The following SPAG16 variants were observed in gnomAD, a reference collection of about 807,000 sequenced individuals.
SPAG16 encodes sperm associated antigen 16.
In SPAG16, 86 loss-of-function variants were observed where a neutral mutation model predicts 80.4. The ratio of observed to expected loss-of-function variants is 1.07; its 90% confidence interval spans 0.90 to 1.28. The LOEUF (loss-of-function observed/expected upper bound fraction) is 1.28. Among genes scored for constraint, SPAG16 ranks in the 50% most tolerant of loss-of-function variants. SPAG16 has a pLI of 0.00. For missense variants in SPAG16, 870 were observed against 765.3 expected, an observed-to-expected ratio of 1.14 and a Z score of -1.61; for synonymous variants, 294 against 265.9, an observed-to-expected ratio of 1.11 and a Z score of -1.03.
chr2:213,823,290 AG>A (rs1559497381), intron 10 of SPAG16, among the ~76,000 whole-genome samples: 3 of 152,156 alleles, frequency 2.0e-5, no homozygotes, highest in Non-Finnish European at 4.4e-5. Flanking sequence ...ATGGTATCTC[AG>A]GGTGGTTTTG....
Position 213,718,947 on chromosome 2 carries a change from T to C in SPAG16, c.1071-143538T>C, listed in dbSNP as rs571900229. Among the ~76,000 whole-genome samples, 3 of 152,366 alleles carry C rather than the reference T, an allele frequency of 2.0e-5. No homozygotes were observed. In the East Asian group the frequency reaches 5.8e-4, roughly 29 times the overall value. The stretch of plus-strand genomic sequence containing the variant: ...GCGGGATCCACTAGGTGAAGCCAGC[T>C]GGGCTCCTGAGTCTGGTGGGGACGT... On this transcript the variant is annotated intron_variant, in intron 10 of 15. Coordinates refer to ENST00000331683, the MANE Select transcript of SPAG16 (RefSeq NM_024532.5).
At chr2:213,873,297 T>A (rs1343215008) in intron 11 of SPAG16, among the ~76,000 whole-genome samples, 1 of 152,032 alleles carries the variant, frequency 6.6e-6, no homozygotes, top group African/African-American at 2.4e-5. Flanking sequence ...TTTGTTGCCA[T>A]GTTGTTAACA....
At chr2:213,463,069 A>C (rs1460309065) in intron 9 of SPAG16, among the ~76,000 whole-genome samples, 2 of 152,208 alleles carry the variant, frequency 1.3e-5, no homozygotes, top group Non-Finnish European at 2.9e-5. Context: ...GATGGAAATG[A>C]GGAACTTGTT....
At chr2:213,408,260 C>T (rs1248673755) in intron 9 of SPAG16, among the ~76,000 whole-genome samples, 1 of 152,196 alleles carries the variant, frequency 6.6e-6, no homozygotes, top group Non-Finnish European at 1.5e-5. Context: ...AAGGGCATAG[C>T]CAGAAAGCAC....
intron 10 of SPAG16, among the ~76,000 whole-genome samples, chr2:213,796,899 G>T (rs2071071593): frequency 6.8e-6 from 1 of 147,544 alleles, no homozygotes; most frequent in Non-Finnish European, 1.5e-5. Flanking sequence ...GGTTATTATG[G>T]GTGATGACAG....
At chr2:213,945,458 G>C (rs1243699077) in intron 12 of SPAG16, among the ~76,000 whole-genome samples, 1 of 151,894 alleles carries the variant, frequency 6.6e-6, no homozygotes, top group East Asian at 1.9e-4. Flanking sequence ...GAAGAACGTG[G>C]AGTCAGTTGT....
chr2:214,127,179 T>C (rs2054537296), intron 14 of SPAG16, among the ~76,000 whole-genome samples: 1 of 151,744 alleles, frequency 6.6e-6, no homozygotes, highest in Admixed American at 6.7e-5. Flanking sequence ...CTGCCTTTCA[T>C]ATCTTGGAGA....
At chr2:213,317,129 C>T (rs765118105) in intron 4 of SPAG16, 90 bp from the exon 5 acceptor site, 6 of 710,174 alleles carry the variant, frequency 8.4e-6, no homozygotes, top group Admixed American at 2.5e-5. Flanking sequence ...CTATAACACT[C>T]CCTGAGACTT....
chr2:213,384,292 A>G (rs2067316986), intron 9 of SPAG16, among the ~76,000 whole-genome samples: 1 of 152,208 alleles, frequency 6.6e-6, no homozygotes. Context: ...AGTATCATAT[A>G]TCCCACAGGT....
chr2:213,847,649 G>T (rs993611032), intron 10 of SPAG16, among the ~76,000 whole-genome samples: 1 of 152,122 alleles, frequency 6.6e-6, no homozygotes, highest in African/African-American at 2.4e-5. Context: ...CATGAGATTT[G>T]GGTGGGGACA....
At chr2:214,107,531 T>G (rs75691867) in intron 13 of SPAG16, among the ~76,000 whole-genome samples, 2 of 152,182 alleles carry the variant, frequency 1.3e-5, no homozygotes, top group African/African-American at 4.8e-5. Flanking sequence ...ATCCCTATTA[T>G]AATGTGTTAT....
intron 10 of SPAG16, among the ~76,000 whole-genome samples, chr2:213,761,181 G>A (rs1476040613): frequency 1.3e-5 from 2 of 152,074 alleles, no homozygotes; most frequent in Non-Finnish European, 2.9e-5. Context: ...AACAATGAAC[G>A]TTATCAAAGA....
At chr2:213,714,687 C>T (rs1191803538) in intron 10 of SPAG16, among the ~76,000 whole-genome samples, 1 of 152,120 alleles carries the variant, frequency 6.6e-6, no homozygotes, top group Non-Finnish European at 1.5e-5. Context: ...TCCTAATCCT[C>T]ATAATAATGC....
intron 15 of SPAG16, among the ~76,000 whole-genome samples, chr2:214,390,313 G>C (rs560419014): frequency 5.0e-5 from 7 of 138,942 alleles, no homozygotes. Flanking sequence ...GTGAATTGAT[G>C]CTAAATGAAT....
At chr2:213,920,456 CAT>C (rs1211781336) in intron 11 of SPAG16, among the ~76,000 whole-genome samples, 5 of 152,210 alleles carry the variant, frequency 3.3e-5, no homozygotes, top group Non-Finnish European at 7.3e-5. Flanking sequence ...CACGTACACA[CAT>C]GTTGGCAATG....
At chr2:213,399,743 G>A (rs1261937067) in intron 9 of SPAG16, among the ~76,000 whole-genome samples, 1 of 151,844 alleles carries the variant, frequency 6.6e-6, no homozygotes, top group Non-Finnish European at 1.5e-5. Context: ...TAAATGTATG[G>A]TAGAAGTCTT....
intron 15 of SPAG16, among the ~76,000 whole-genome samples, chr2:214,391,017 C>CTTAGAAGA (rs138413920): frequency 0.029 from 4,399 of 152,182 alleles, 76 homozygotes; most frequent in Non-Finnish European, 0.04. Flanking sequence ...TGTGATGGTT[C>CTTAGAAGA]TTAGAAGATC....
At chr2:214,367,972 A>G (rs1699589558) in intron 15 of SPAG16, among the ~76,000 whole-genome samples, 1 of 152,176 alleles carries the variant, frequency 6.6e-6, no homozygotes, top group Admixed American at 6.5e-5. Context: ...TAAACACATG[A>G]TAAAAAGCTT....
intron 15 of SPAG16, among the ~76,000 whole-genome samples, chr2:214,384,442 AG>A (rs1041372659): frequency 2.8e-4 from 42 of 152,342 alleles, no homozygotes; most frequent in African/African-American, 1.0e-3. Context: ...CTATGTCTCC[AG>A]TGTGACATTT....
Sources: gnomAD v4.1 joint callset for allele counts (sites outside exome capture counted in the v4.1 genomes callset) on GRCh38, gnomAD v4.1.1 for gene constraint, MANE v1.5 for transcripts, NCBI Gene and HGNC (gene_info 2026-07-23, HGNC 2026-07-21) for gene names.